THRB: variants seen among roughly 807,000 people sequenced by gnomAD.
The protein encoded by THRB is thyroid hormone receptor beta, also known as nuclear receptor subfamily 1 group A member 2.
Under a neutral mutation model 47.8 loss-of-function variants are expected in THRB, and 12 were observed. The ratio of observed to expected loss-of-function variants is 0.25; its 90% CI spans 0.16 to 0.41. THRB has a LOEUF of 0.41. Ranked by LOEUF, THRB falls within the 10% of genes least tolerant of loss-of-function variation. THRB has a pLI of 1.00. For missense variants in THRB, 348 were observed against 589.2 expected (o/e 0.59, Z 4.24); for synonymous variants, 218 against 212.2 (o/e 1.03, Z -0.24).
rs1488064697 is a variant in THRB at position 24,119,057 on chromosome 3, T to TA, written c.*3826dup. On this transcript the variant is annotated 3_prime_UTR_variant, in exon 11 of 11. Transcript: ENST00000646209. Reference sequence around the variant, plus strand: ...AGATTAAAGTAAAATGTCTCAATTGTAAAAAATACACACCGGGCAAATCCT... The same window carrying TA: ...AGATTAAAGTAAAATGTCTCAATTGTAAAAAAATACACACCGGGCAAATCCT... The TA allele has an allele frequency of 7.0e-6, 1 of 142,686 alleles. No homozygotes were observed. Among genetic ancestry groups the TA allele is most frequent in the Non-Finnish European group, 1.5e-5 (1 of 67,188 alleles). The allele number at this position is 142,686 out of a possible 1,614,324, so 8.8% of individuals were successfully genotyped here.
chr3:24,398,189 A>G (rs1577314125), intron 1 of THRB, among the ~76,000 whole-genome samples: 1 of 152,086 alleles, frequency 6.6e-6, no homozygotes. Flanking sequence ...AAGAGGGAAA[A>G]TGTGGGCAAT....
chr3:24,368,469 T>C (rs1038195311), intron 1 of THRB, among the ~76,000 whole-genome samples: 1 of 152,264 alleles, frequency 6.6e-6, no homozygotes. Context: ...AAATTAATGT[T>C]AGATACAAAG....
At chr3:24,169,651 T>G in intron 5 of THRB, among the ~76,000 whole-genome samples, 1 of 148,474 alleles carries the variant, frequency 6.7e-6, no homozygotes, top group East Asian at 1.9e-4. Flanking sequence ...GTAAGTGACA[T>G]AATTATATAT....
At chr3:24,292,572 C>G (rs2056039137) in intron 3 of THRB, among the ~76,000 whole-genome samples, 1 of 152,154 alleles carries the variant, frequency 6.6e-6, no homozygotes, top group East Asian at 1.9e-4. Flanking sequence ...TTCTCCCTGG[C>G]TCGACGTTAA....
chr3:24,451,251 T>TTTTTTA (rs1188645778), intron 1 of THRB, among the ~76,000 whole-genome samples: 1 of 147,992 alleles, frequency 6.8e-6, no homozygotes. Context: ...TTTTTTTTTT[T>TTTTTTA]GAGACAGAGT....
At chr3:24,419,128 C>T (rs1023727303) in intron 1 of THRB, among the ~76,000 whole-genome samples, 1 of 151,890 alleles carries the variant, frequency 6.6e-6, no homozygotes, top group African/African-American at 2.4e-5. Flanking sequence ...GCCCATAGGG[C>T]ATCGAGATAA....
chr3:24,284,692 G>T (rs2055050799), intron 3 of THRB, among the ~76,000 whole-genome samples: 1 of 148,928 alleles, frequency 6.7e-6, no homozygotes, highest in Non-Finnish European at 1.5e-5. Context: ...TCTGACAAAG[G>T]GCTAATATCC....
intron 3 of THRB, among the ~76,000 whole-genome samples, chr3:24,292,618 A>C (rs1412763457): frequency 4.6e-5 from 7 of 152,160 alleles, no homozygotes; most frequent in Admixed American, 4.6e-4. Context: ...TCTTGTCCTC[A>C]TTAATGACTT....
intron 2 of THRB, among the ~76,000 whole-genome samples, chr3:24,330,534 C>G (rs1209565186): frequency 6.6e-6 from 1 of 152,178 alleles, no homozygotes; most frequent in South Asian, 2.1e-4. Context: ...CAACCCATCT[C>G]TCTCTCTCAT....
intron 3 of THRB, among the ~76,000 whole-genome samples, chr3:24,253,778 A>C (rs964966372): frequency 1.1e-4 from 17 of 152,182 alleles, no homozygotes; most frequent in African/African-American, 4.1e-4. Flanking sequence ...CTTGCTAGCC[A>C]AGGCTGGCCA....
chr3:24,324,426 A>C (rs2058681697), intron 2 of THRB, among the ~76,000 whole-genome samples: 1 of 152,102 alleles, frequency 6.6e-6, no homozygotes, highest in Middle Eastern at 3.2e-3. Flanking sequence ...AAGCACACTG[A>C]CCAAGGCATT....
At chr3:24,252,314 G>A (rs1182131511) in intron 3 of THRB, among the ~76,000 whole-genome samples, 2 of 151,916 alleles carry the variant, frequency 1.3e-5, no homozygotes, top group East Asian at 3.9e-4. Flanking sequence ...CAGGACAGAA[G>A]TTCAGAAACA....
chr3:24,278,491 C>A (rs1187814614), intron 3 of THRB, among the ~76,000 whole-genome samples: 2 of 152,158 alleles, frequency 1.3e-5, no homozygotes, highest in Non-Finnish European at 2.9e-5. Context: ...CCAGGAAAAA[C>A]CTATTTTTGC....
chr3:24,201,371 G>C (rs956893913), intron 4 of THRB, among the ~76,000 whole-genome samples: 3 of 151,956 alleles, frequency 2.0e-5, no homozygotes, highest in African/African-American at 4.8e-5. Context: ...GAATATCTAC[G>C]GCCCTGTTAC....
chr3:24,235,373 T>C (rs907733596), intron 3 of THRB, among the ~76,000 whole-genome samples: 3 of 152,190 alleles, frequency 2.0e-5, no homozygotes, highest in African/African-American at 7.2e-5. Context: ...TGGTGAGTCA[T>C]TGTTTATCCA....
At chr3:24,233,567 G>GAAAAGA (rs71057659) in intron 3 of THRB, among the ~76,000 whole-genome samples, 7 of 135,620 alleles carry the variant, frequency 5.2e-5, no homozygotes, top group Non-Finnish European at 1.1e-4. Context: ...AAGGAAGAAA[G>GAAAAGA]AAAGAAAGAA....
rs568902952 is a variant in THRB, at chr3:24,340,285, A to G, written c.-260-2914T>C. On this transcript the variant is annotated intron_variant, in intron 1 of 10. Transcript: ENST00000646209. Reference sequence around the variant, plus strand: ...GTTAAATTTAAGTGAATTCAATTTTAAAGGGGTTAATATTAGAGCAAAATT... The same window carrying G: ...GTTAAATTTAAGTGAATTCAATTTTGAAGGGGTTAATATTAGAGCAAAATT... 8.5e-5 allele frequency among the ~76,000 whole-genome samples: 13 copies of G among 152,284 alleles called. No homozygotes were observed. The South Asian group carries it at 2.7e-3, about 32-fold the overall frequency.
intron 4 of THRB, among the ~76,000 whole-genome samples, chr3:24,203,866 G>A (rs137949705): frequency 2.0e-5 from 3 of 152,332 alleles, no homozygotes; most frequent in South Asian, 2.1e-4. Flanking sequence ...TATATCCCAC[G>A]CCTGGCTTGG....
At chr3:24,387,372 A>G (rs1243167223) in intron 1 of THRB, among the ~76,000 whole-genome samples, 7 of 152,144 alleles carry the variant, frequency 4.6e-5, no homozygotes, top group Non-Finnish European at 7.4e-5. Context: ...CTACTCCCTT[A>G]ACACATTATA....
Sources: allele counts gnomAD v4.1 joint callset (sites outside exome capture counted in the v4.1 genomes callset), GRCh38; gene constraint gnomAD v4.1.1; transcripts MANE v1.5; gene names NCBI Gene and HGNC (gene_info 2026-07-23, HGNC 2026-07-21).